The following KALRN variants were observed in gnomAD, a reference collection of about 807,000 sequenced individuals.
KALRN encodes kalirin.
Under a neutral mutation model 353.7 loss-of-function variants are expected in KALRN, and 70 were observed. The observed-to-expected ratio is 0.20, with a 90% CI of 0.16 to 0.24. The LOEUF (loss-of-function observed/expected upper bound fraction) is 0.24, where lower values mean the gene tolerates loss of function less well. Among genes scored for constraint, KALRN ranks in the 10% least tolerant of loss-of-function variants. The pLI is 1.00. For missense variants in KALRN, 2,791 were observed against 3,756.7 expected, an observed-to-expected ratio of 0.74 and a Z score of 6.72; for synonymous variants, 1,391 against 1,434.8, an observed-to-expected ratio of 0.97 and a Z score of 0.69.
intron 9 of KALRN, among the ~76,000 whole-genome samples, chr3:124,336,834 T>C (rs942402166): frequency 6.6e-6 from 1 of 152,178 alleles, no homozygotes; most frequent in African/African-American, 2.4e-5. Flanking sequence ...GGTTTGTAGT[T>C]CTCCTTGAAG....
At chr3:124,567,420 G>A (rs1350216531) in intron 34 of KALRN, among the ~76,000 whole-genome samples, 1 of 152,178 alleles carries the variant, frequency 6.6e-6, no homozygotes, top group Non-Finnish European at 1.5e-5. Flanking sequence ...GGGAGCAGTG[G>A]TTGGTTATTT....
At chr3:124,356,130 G>A (rs984502210) in intron 10 of KALRN, among the ~76,000 whole-genome samples, 1 of 151,772 alleles carries the variant, frequency 6.6e-6, no homozygotes, top group Non-Finnish European at 1.5e-5. Context: ...TGATAGAGGA[G>A]TTTATATTTG....
chr3:124,144,955 C>T (rs988715652), intron 1 of KALRN, among the ~76,000 whole-genome samples: 1 of 152,134 alleles, frequency 6.6e-6, no homozygotes, highest in Non-Finnish European at 1.5e-5. Context: ...TTTGTGGAGC[C>T]TTCTGGGTGT....
At chr3:124,249,535 G>C (rs2070819630) in intron 3 of KALRN, among the ~76,000 whole-genome samples, 1 of 152,152 alleles carries the variant, frequency 6.6e-6, no homozygotes, top group South Asian at 2.1e-4. Flanking sequence ...GGGTCCTCCA[G>C]CTGGCTAGGG....
chr3:124,314,235 C>A (rs2078578282), intron 6 of KALRN, among the ~76,000 whole-genome samples: 1 of 151,676 alleles, frequency 6.6e-6, no homozygotes, highest in Non-Finnish European at 1.5e-5. Context: ...TCATTCTGAG[C>A]AAACTATCGC....
In KALRN at chr3:124,408,500, A is replaced by G. The variant is rs553225521; in HGVS notation, c.2347-4970A>G. On this transcript the variant is annotated intron_variant, in intron 13 of 59. Transcript: ENST00000682506. ...CTTCTCTGTGCTTTCATTTCCTCCT[A>G]TAGTGCTATGAGGATTAAATAAAGT... 5.8e-4 allele frequency among the ~76,000 whole-genome samples: 88 copies of G among 152,344 alleles called. 4 individuals are homozygous for G. The highest frequency in any genetic ancestry group is 2.1e-4 in the South Asian group (1 of 4,832).
At chr3:124,587,846 C>T (rs2075366823) in intron 34 of KALRN, among the ~76,000 whole-genome samples, 1 of 151,730 alleles carries the variant, frequency 6.6e-6, no homozygotes, top group Non-Finnish European at 1.5e-5. Context: ...AGGTGCATGC[C>T]ACTACCCCAG....
At chr3:124,038,962 A>G (rs1335742106) in intron 1 of KALRN, among the ~76,000 whole-genome samples, 3 of 152,194 alleles carry the variant, frequency 2.0e-5, no homozygotes, top group African/African-American at 4.8e-5. Flanking sequence ...CAGGCCCCAT[A>G]TGCCCCCATG....
intron 33 of KALRN, among the ~76,000 whole-genome samples, chr3:124,539,532 T>G (rs2068814611): frequency 6.6e-6 from 1 of 152,184 alleles, no homozygotes. Flanking sequence ...GCAAGCTCTA[T>G]GGCTCAGCAC....
intron 2 of KALRN, among the ~76,000 whole-genome samples, chr3:124,234,515 T>C (rs2079527948): frequency 6.6e-6 from 1 of 152,222 alleles, no homozygotes; most frequent in Non-Finnish European, 1.5e-5. Context: ...ATCTCACATT[T>C]GTAGAGAGCT....
chr3:124,359,601 T>C (rs1252711667), intron 10 of KALRN, among the ~76,000 whole-genome samples: 1 of 152,132 alleles, frequency 6.6e-6, no homozygotes, highest in Non-Finnish European at 1.5e-5. Context: ...CTTGTGAAAA[T>C]CACTTAAGTT....
chr3:124,398,878 G>A lies in KALRN; in HGVS notation c.2346+7G>A. 1 of 1,596,246 alleles carries A rather than the reference G, an allele frequency of 6.3e-7. No homozygotes were observed. Among genetic ancestry groups the A allele is most frequent in the Non-Finnish European group, 8.5e-7 (1 of 1,170,326 alleles). On this transcript the variant is annotated splice_region_variant and intron_variant, in intron 13 of 59. Coordinates refer to ENST00000682506, the MANE Select transcript of KALRN (RefSeq NM_001388419.1). ...TGAGCAGTACACCATCGAGGTAGCA[G>A]GGGGCCAGGAGGGGAGGTGGAGAGG...
At chr3:124,293,448 C>A (rs2149163993) in intron 5 of KALRN, among the ~76,000 whole-genome samples, 1 of 152,210 alleles carries the variant, frequency 6.6e-6, no homozygotes, top group African/African-American at 2.4e-5. Flanking sequence ...ACAATAATAA[C>A]ATTTTAGCTA....
Position 124,145,203 on chromosome 3 carries a change from T to C in KALRN, c.74-82787T>C, listed in dbSNP as rs115547984. ...CGCATTTGCTCCAGACCTATCCTCCTCCCTTTATCGATCTACTGATCCAGT... is the reference window on the plus strand; with the variant it reads ...CGCATTTGCTCCAGACCTATCCTCCCCCCTTTATCGATCTACTGATCCAGT... On this transcript the variant is annotated intron_variant, in intron 1 of 59. Coordinates refer to ENST00000682506, the MANE Select transcript of KALRN (RefSeq NM_001388419.1). Among the ~76,000 whole-genome samples the C allele has an allele frequency of 2.0e-3, 304 of 152,314 alleles. 1 individual carries two copies. The highest frequency in any genetic ancestry group is 6.8e-3 in the African/African-American group (283 of 41,562).
At chr3:124,126,698 A>T (rs931929574) in intron 1 of KALRN, among the ~76,000 whole-genome samples, 4 of 152,234 alleles carry the variant, frequency 2.6e-5, no homozygotes. Flanking sequence ...GCTATAACTC[A>T]TGTACAGTTT....
At chr3:124,447,341 A>G (rs923038148) in intron 21 of KALRN, among the ~76,000 whole-genome samples, 6 of 152,230 alleles carry the variant, frequency 3.9e-5, no homozygotes, top group Admixed American at 6.5e-5. Context: ...TCCTTTTCTG[A>G]GCTATTTCCA....
chr3:124,249,972 G>A lies in KALRN; in HGVS notation c.264-14526G>A, dbSNP rs77183222. Among the ~76,000 whole-genome samples the A allele has an allele frequency of 5.8e-4, 88 of 152,306 alleles. No homozygotes were observed. The East Asian group carries it at 0.016, about 28-fold the overall frequency. ...GGCAACCCTGGCTGTGTGTCAGAGGGAAGGCAGGCTAGCTAGAGGGTAACA... is the reference window on the plus strand; with the variant it reads ...GGCAACCCTGGCTGTGTGTCAGAGGAAAGGCAGGCTAGCTAGAGGGTAACA... On this transcript the variant is annotated intron_variant, in intron 3 of 59. Transcript: ENST00000682506.
intron 1 of KALRN, among the ~76,000 whole-genome samples, chr3:124,051,657 C>G (rs144234747): frequency 6.6e-6 from 1 of 152,086 alleles, no homozygotes; most frequent in Admixed American, 6.5e-5. Flanking sequence ...TCTTTTGATG[C>G]GGAAAACTTT....
At chr3:124,069,795 G>A (rs2059927741) in intron 1 of KALRN, among the ~76,000 whole-genome samples, 2 of 152,174 alleles carry the variant, frequency 1.3e-5, no homozygotes, top group South Asian at 4.1e-4. Flanking sequence ...TCAGAGGAAA[G>A]GGAGGTGAGC....
Sources: allele counts gnomAD v4.1 joint callset (sites outside exome capture counted in the v4.1 genomes callset), GRCh38; gene constraint gnomAD v4.1.1; transcripts MANE v1.5; gene names NCBI Gene and HGNC (gene_info 2026-07-23, HGNC 2026-07-21).